The following NAV3 variants were observed in gnomAD, a reference collection of about 807,000 sequenced individuals.
NAV3 encodes pore membrane and/or filament interacting like protein 1.
A neutral mutation model predicts 244.7 loss-of-function variants in NAV3; 87 were observed. The observed-to-expected ratio is 0.36, with a 90% CI of 0.30 to 0.42. NAV3 has a LOEUF of 0.42. Among genes scored for constraint, NAV3 ranks in the 20% least tolerant of loss-of-function variants. The pLI is 1.00. For synonymous variants in NAV3, 1,126 were observed against 1,042.2 expected, an observed-to-expected ratio of 1.08 and a Z score of -1.55; for missense variants, 2,663 against 2,893.3, an observed-to-expected ratio of 0.92 and a Z score of 1.83.
At chr12:77,796,808 T>G (rs796280104) in intron 2 of NAV3, among the ~76,000 whole-genome samples, 5 of 152,000 alleles carry the variant, frequency 3.3e-5, no homozygotes, top group African/African-American at 1.2e-4. Flanking sequence ...CTCATATGAC[T>G]GTTAAGACTT....
intron 2 of NAV3, among the ~76,000 whole-genome samples, chr12:77,633,995 C>A (rs528856346): frequency 3.3e-5 from 5 of 152,002 alleles, no homozygotes; most frequent in Admixed American, 2.0e-4. Context: ...TGAATCCTAC[C>A]TTCTCTCATT....
chr12:77,666,899 A>G (rs981844163), intron 2 of NAV3, among the ~76,000 whole-genome samples: 1 of 152,190 alleles, frequency 6.6e-6, no homozygotes, highest in African/African-American at 2.4e-5. Flanking sequence ...TTTCATAACT[A>G]AGTCAAAACA....
At chr12:77,918,660 C>T (rs2137138032) in intron 1 of NAV3, among the ~76,000 whole-genome samples, 1 of 152,130 alleles carries the variant, frequency 6.6e-6, no homozygotes, top group South Asian at 2.1e-4. Flanking sequence ...ATATGGCTCT[C>T]AGCAAGCTGG....
chr12:77,971,903 A>G (rs1053193666), intron 5 of NAV3, among the ~76,000 whole-genome samples: 1 of 152,200 alleles, frequency 6.6e-6, no homozygotes, highest in Admixed American at 6.6e-5. Context: ...ATAATTCTAC[A>G]TATTTCCACA....
At chr12:78,057,814 T>C (rs962715153) in intron 11 of NAV3, among the ~76,000 whole-genome samples, 5 of 152,148 alleles carry the variant, frequency 3.3e-5, no homozygotes, top group Non-Finnish European at 5.9e-5. Flanking sequence ...GCAGTCTGGC[T>C]CTGGTCTACA....
At chr12:77,808,747 T>C (rs990976277) in intron 2 of NAV3, among the ~76,000 whole-genome samples, 5 of 152,184 alleles carry the variant, frequency 3.3e-5, no homozygotes, top group African/African-American at 9.6e-5. Context: ...CAAGCAGGAA[T>C]GTTTAAGTCT....
intron 9 of NAV3, among the ~76,000 whole-genome samples, chr12:78,045,382 G>A (rs187174149): frequency 3.0e-4 from 46 of 152,034 alleles, no homozygotes; most frequent in African/African-American, 1.0e-3. Flanking sequence ...TGCAACCTCC[G>A]CCTCCTAAGT....
intron 1 of NAV3, among the ~76,000 whole-genome samples, chr12:77,872,212 A>T (rs995448516): frequency 2.0e-5 from 3 of 152,182 alleles, no homozygotes; most frequent in African/African-American, 7.2e-5. Context: ...AGAACCACAC[A>T]CATGGTATTC....
chr12:77,799,862 C>G (rs147830144), intron 2 of NAV3, among the ~76,000 whole-genome samples: 2 of 151,816 alleles, frequency 1.3e-5, no homozygotes, highest in East Asian at 3.9e-4. Flanking sequence ...TATTCAATAA[C>G]GATATGTAGT....
chr12:77,947,467 A>G (rs1380704360), intron 3 of NAV3: 1 of 151,108 alleles, frequency 6.6e-6, no homozygotes, highest in Non-Finnish European at 1.5e-5. Context: ...AATAGGGAAG[A>G]GATAAAATAC....
rs947616528 is a variant in NAV3 at position 77,766,760 on chromosome 12, T to G, written c.73-173559T>G. Among the ~76,000 whole-genome samples the G allele has an allele frequency of 8.8e-5, 5 of 56,574 alleles. 1 individual carries two copies. Among genetic ancestry groups the G allele is most frequent in the Non-Finnish European group, 1.8e-4 (5 of 28,134 alleles). The allele number at this position is 56,574 out of a possible 152,430, so 37.1% of individuals were successfully genotyped here. A position where few individuals can be genotyped will look rare whatever the true frequency, so the allele number is the denominator to read the frequency against. On this transcript the variant is annotated intron_variant, in intron 2 of 8. Coordinates refer to the NAV3 transcript ENST00000550042. ...GTTTTTTTTTTTTTTTTTTTTTTTT[T>G]TTTTTTTTTTTGAGACGGAGTCTCG...
intron 2 of NAV3, among the ~76,000 whole-genome samples, chr12:77,756,368 T>A (rs1869180181): frequency 6.6e-6 from 1 of 152,156 alleles, no homozygotes; most frequent in South Asian, 2.1e-4. Flanking sequence ...TTTTTCCAAA[T>A]TTTAATTCCT....
chr12:77,852,547 A>C (rs1707870022), intron 1 of NAV3, among the ~76,000 whole-genome samples: 1 of 149,400 alleles, frequency 6.7e-6, no homozygotes, highest in Non-Finnish European at 1.5e-5. Flanking sequence ...TCATAAATAA[A>C]TAAATAAATA....
At chr12:78,194,747 T>C (rs537127103) in intron 34 of NAV3, among the ~76,000 whole-genome samples, 2 of 152,212 alleles carry the variant, frequency 1.3e-5, no homozygotes, top group African/African-American at 4.8e-5. Context: ...ACAAAACACA[T>C]ATTCTTAGCT....
chr12:77,906,514 G>A (rs1056047598), intron 1 of NAV3, among the ~76,000 whole-genome samples: 1 of 134,378 alleles, frequency 7.4e-6, no homozygotes, highest in African/African-American at 3.0e-5. Context: ...CATTAATACT[G>A]CCAGTAAAGA....
At chr12:77,655,579 A>G (rs1222337975) in intron 2 of NAV3, among the ~76,000 whole-genome samples, 3 of 152,150 alleles carry the variant, frequency 2.0e-5, no homozygotes, top group Non-Finnish European at 2.9e-5. Context: ...AGGCAGGCCA[A>G]CATTCAGATT....
At chr12:77,906,346 T>C (rs1001169832) in intron 1 of NAV3, among the ~76,000 whole-genome samples, 2 of 152,102 alleles carry the variant, frequency 1.3e-5, no homozygotes, top group Non-Finnish European at 2.9e-5. Flanking sequence ...AACAGCTTAT[T>C]GGAAAGAGCC....
At chr12:78,162,858 T>G (rs1474257101) in intron 23 of NAV3, among the ~76,000 whole-genome samples, 1 of 113,628 alleles carries the variant, frequency 8.8e-6, no homozygotes, top group Non-Finnish European at 1.8e-5. Context: ...CAAGACTCTG[T>G]CTCAAAAAAA....
chr12:77,857,889 G>T (rs1388935766), intron 1 of NAV3, among the ~76,000 whole-genome samples: 1 of 151,880 alleles, frequency 6.6e-6, no homozygotes, highest in African/African-American at 2.4e-5. Flanking sequence ...CAGAGTTGAT[G>T]AGTTTTATTG....
Sources: gnomAD v4.1 joint callset for allele counts (sites outside exome capture counted in the v4.1 genomes callset) on GRCh38, gnomAD v4.1.1 for gene constraint, MANE v1.5 for transcripts, NCBI Gene and HGNC (gene_info 2026-07-23, HGNC 2026-07-21) for gene names.